Variants in PPARGC1B observed in about 807,000 individuals in gnomAD.
PPARGC1B encodes the protein PPARG coactivator 1 beta.
A neutral mutation model predicts 101.6 loss-of-function variants in PPARGC1B; 34 were observed. The ratio of observed to expected loss-of-function variants is 0.33; its 90% confidence interval spans 0.25 to 0.45. The LOEUF is 0.45. Ranked by LOEUF, PPARGC1B falls within the 20% of genes least tolerant of loss-of-function variation. The probability of loss-of-function intolerance (pLI) is 1.00; values close to 1 mark genes in which losing one functional copy is unlikely to be tolerated. For synonymous variants in PPARGC1B, 548 were observed against 539.3 expected (o/e 1.02, Z -0.22); for missense variants, 1,234 against 1,317.6 (o/e 0.94, Z 0.98).
chr5:149,744,371 C>T lies in PPARGC1B; in HGVS notation c.78+13951C>T, dbSNP rs6888451. Among the ~76,000 whole-genome samples, 972 of 152,206 alleles carry T rather than the reference C, an allele frequency of 6.4e-3. 11 individuals carry two copies. The highest frequency in any genetic ancestry group is 0.022 in the African/African-American group (921 of 41,530). Reference sequence around the variant, plus strand: ...GTGAGAGGTGAGGATCTACCAGAGGCAGACACGTGGACTGCAGCACCGAAG... The same window carrying T: ...GTGAGAGGTGAGGATCTACCAGAGGTAGACACGTGGACTGCAGCACCGAAG... On this transcript the variant is annotated intron_variant, in intron 1 of 11. Transcript: ENST00000309241.
rs112484534 is a variant in PPARGC1B, at chr5:149,738,539, A to G, written c.78+8119A>G. ...TCCTCTCCCCGCCACCATCCCTGCC[A>G]TTTTAATGTATTCATAGCCTACCTG... On this transcript the variant is annotated intron_variant, in intron 1 of 11. Transcript: ENST00000309241. Among the ~76,000 whole-genome samples, 278 of 152,146 alleles carry G rather than the reference A, an allele frequency of 1.8e-3. 1 individual carries two copies. The highest frequency in any genetic ancestry group is 6.4e-3 in the African/African-American group (265 of 41,516).
At chr5:149,748,997 G>A (rs148895838) in intron 1 of PPARGC1B, among the ~76,000 whole-genome samples, 8 of 151,532 alleles carry the variant, frequency 5.3e-5, no homozygotes, top group East Asian at 3.9e-4. Flanking sequence ...GGACTGCACC[G>A]CTCCTCCCCA....
At chr5:149,746,435 C>T (rs929408398) in intron 1 of PPARGC1B, among the ~76,000 whole-genome samples, 2 of 152,182 alleles carry the variant, frequency 1.3e-5, no homozygotes, top group African/African-American at 4.8e-5. Context: ...GTCAGGATTT[C>T]CTTCCTTTTT....
chr5:149,764,499 A>C (rs1752565975), intron 1 of PPARGC1B, among the ~76,000 whole-genome samples: 1 of 152,218 alleles, frequency 6.6e-6, no homozygotes, highest in Admixed American at 6.5e-5. Context: ...GCCAGACCCA[A>C]GTAGAACAGG....
At chr5:149,799,693 G>GTTGTTTTTTTTTTTT (rs752427488) in intron 1 of PPARGC1B, among the ~76,000 whole-genome samples, 7 of 76,478 alleles carry the variant, frequency 9.2e-5, no homozygotes, top group African/African-American at 2.3e-4. Context: ...GCTTGTTGTT[G>GTTGTTTTTTTTTTTT]TTTTTTTTTT....
Position 149,752,353 on chromosome 5 carries a change from C to T in PPARGC1B, c.78+21933C>T, listed in dbSNP as rs555222814. 3.9e-5 allele frequency among the ~76,000 whole-genome samples: 6 copies of T among 152,310 alleles called. No homozygotes were observed. The East Asian group carries it at 9.6e-4, about 24-fold the overall frequency. The stretch of plus-strand genomic sequence containing the variant: ...TCCACCTTGTGATTCAGACTGCAGT[C>T]GGAGCAGAACCAAGGGGAAGAGATT... On this transcript the variant is annotated intron_variant, in intron 1 of 11. Coordinates refer to ENST00000309241, the MANE Select transcript of PPARGC1B (RefSeq NM_133263.4).
chr5:149,790,042 T>A (rs1220014854), intron 1 of PPARGC1B, among the ~76,000 whole-genome samples: 1 of 152,210 alleles, frequency 6.6e-6, no homozygotes, highest in African/African-American at 2.4e-5. Flanking sequence ...CTGGGTGACC[T>A]TGGGCAAGTT....
chr5:149,730,339 G>T lies in PPARGC1B; in HGVS notation c.-4G>T. 2 of 1,559,266 alleles carry T rather than the reference G, an allele frequency of 1.3e-6. No homozygotes were observed. The highest frequency in any genetic ancestry group is 8.7e-7 in the Non-Finnish European group (1 of 1,155,376). The stretch of plus-strand genomic sequence containing the variant: ...CCGCCGCACGCTGCAGCCGCGGCTG[G>T]AAGATGGCGGGGAACGACTGCGGCG... On this transcript the variant is annotated 5_prime_UTR_variant, in exon 1 of 12. Transcript: ENST00000309241. The surrounding 1 kb of genome is among the most constrained non-coding windows in gnomAD (Gnocchi z 4.0).
chr5:149,738,458 G>A (rs1754803677), intron 1 of PPARGC1B, among the ~76,000 whole-genome samples: 1 of 152,202 alleles, frequency 6.6e-6, no homozygotes, highest in Non-Finnish European at 1.5e-5. Flanking sequence ...TATATCTTCA[G>A]TCTGAGTGTT....
At chr5:149,753,611 G>C (rs1182964954) in intron 1 of PPARGC1B, among the ~76,000 whole-genome samples, 1 of 152,168 alleles carries the variant, frequency 6.6e-6, no homozygotes, top group Non-Finnish European at 1.5e-5. Flanking sequence ...TTTGCAGTAA[G>C]TTTTGCACAC....
intron 1 of PPARGC1B, among the ~76,000 whole-genome samples, chr5:149,773,128 C>T (rs6894584): frequency 0.19 from 29,125 of 152,188 alleles, 3,064 homozygotes; most frequent in Middle Eastern, 0.28. Context: ...ACAGTGTTGG[C>T]TGGGCTGATG....
chr5:149,825,361 C>T (rs1443850556), intron 2 of PPARGC1B, among the ~76,000 whole-genome samples: 4 of 152,232 alleles, frequency 2.6e-5, no homozygotes, highest in African/African-American at 9.6e-5. Context: ...CGCCCCTGGG[C>T]GAGGTTGCTG....
At chr5:149,798,559 A>T (rs1757315571) in intron 1 of PPARGC1B, among the ~76,000 whole-genome samples, 1 of 152,234 alleles carries the variant, frequency 6.6e-6, no homozygotes, top group Admixed American at 6.5e-5. Context: ...GCCTGTGAGC[A>T]GCCAGTCCAC....
chr5:149,742,686 G>T (rs1177772626), intron 1 of PPARGC1B, among the ~76,000 whole-genome samples: 3 of 152,186 alleles, frequency 2.0e-5, no homozygotes, highest in Admixed American at 6.5e-5. Flanking sequence ...TCAACTACCG[G>T]TGAGGTTGGC....
chr5:149,816,082 A>G (rs551347092), intron 1 of PPARGC1B, among the ~76,000 whole-genome samples: 27 of 152,338 alleles, frequency 1.8e-4, no homozygotes, highest in African/African-American at 6.3e-4. Flanking sequence ...AGACCTTTCA[A>G]AAAGAACTGG....
Position 149,830,776 on chromosome 5 carries a change from C to T in PPARGC1B, c.475C>T (p.Leu159Phe). The change falls in exon 4 of 12, where the codon CTC becomes TTC. Residue 159 changes from leucine (L) to phenylalanine (F), a missense_variant. Physicochemically the swap from Leu to Phe is conservative, Grantham distance 22. This residue lies in a region of PPARGC1B where 734 missense variants were observed against 768.4 expected (regional missense o/e 0.96). Coordinates refer to ENST00000309241, the MANE Select transcript of PPARGC1B (RefSeq NM_133263.4). ...TCTGCTTTTCCCTCAGCTGCAGAAG[C>T]TCCTCCTGGCCACATCCTACCCAAC... ...EVDELSLLQK[L>F]LLATSYPTSS... 7 of 1,613,834 alleles carry T rather than the reference C, an allele frequency of 4.3e-6. No homozygotes were observed. The highest frequency in any genetic ancestry group is 4.2e-6 in the Non-Finnish European group (5 of 1,179,712).
At chr5:149,819,757 C>T (rs11167485) in intron 1 of PPARGC1B, among the ~76,000 whole-genome samples, 8,589 of 152,262 alleles carry the variant, frequency 0.056, 345 homozygotes, top group East Asian at 0.16. Context: ...CCCACCTTGG[C>T]CTCTCAAATT....
intron 1 of PPARGC1B, among the ~76,000 whole-genome samples, chr5:149,759,015 C>G (rs1755628575): frequency 6.6e-6 from 1 of 152,096 alleles, no homozygotes; most frequent in African/African-American, 2.4e-5. Flanking sequence ...CAGATATACC[C>G]TTTCAAAGGA....
chr5:149,856,731 A>G (rs184961729), downstream of PPARGC1B, among the ~76,000 whole-genome samples: 1 of 150,720 alleles, frequency 6.6e-6, no homozygotes, highest in East Asian at 1.9e-4. Context: ...GAAAATGCTT[A>G]CAAGCTGGGG....
Sources: gnomAD v4.1 joint callset for allele counts (sites outside exome capture counted in the v4.1 genomes callset) on GRCh38, gnomAD v4.1.1 for gene constraint, gnomAD v4.1.1 regional missense constraint, Gnocchi (gnomAD v3.1) non-coding constraint, MANE v1.5 for transcripts, NCBI Gene and HGNC (gene_info 2026-07-23, HGNC 2026-07-21) for gene names.